UGT1A6: variants seen among roughly 807,000 people sequenced by gnomAD.
The protein encoded by UGT1A6 is UDP glucuronosyltransferase family 1 member A6.
In UGT1A6, 32 loss-of-function variants were observed where a neutral mutation model predicts 44.4. That is an observed-to-expected ratio of 0.72 (90% CI 0.54 to 0.97). The LOEUF is 0.97. UGT1A6 is among the 50% of genes least tolerant of loss of function. UGT1A6 has a pLI of 0.00. For synonymous variants in UGT1A6, 238 were observed against 248.5 expected, an observed-to-expected ratio of 0.96 and a Z score of 0.40; for missense variants, 685 against 661.9, an observed-to-expected ratio of 1.03 and a Z score of -0.38.
intron 1 of UGT1A6, among the ~76,000 whole-genome samples, chr2:233,701,559 C>T (rs1345105589): frequency 1.3e-5 from 2 of 152,136 alleles, no homozygotes; most frequent in Admixed American, 6.5e-5. Context: ...CAGCACCACA[C>T]CACACCTACT....
chr2:233,751,665 G>A (rs1281035345), intron 1 of UGT1A6, among the ~76,000 whole-genome samples: 6 of 152,196 alleles, frequency 3.9e-5, no homozygotes, highest in African/African-American at 1.4e-4. Context: ...TACTGAGTGA[G>A]TTCTAATGAG....
chr2:233,717,709 C>T (rs1575518091), intron 1 of UGT1A6: 13 of 452,360 alleles, frequency 2.9e-5, no homozygotes, highest in East Asian at 1.4e-4. Context: ...GCAGGACGAG[C>T]CTCATGGGCA....
intron 1 of UGT1A6, among the ~76,000 whole-genome samples, chr2:233,762,146 C>G (rs541150164): frequency 2.2e-4 from 33 of 152,272 alleles, no homozygotes; most frequent in Admixed American, 4.6e-4. Context: ...TGTGACTTTG[C>G]ATTAATCACA....
chr2:233,724,353 C>T (rs2077234748), intron 1 of UGT1A6, among the ~76,000 whole-genome samples: 1 of 148,076 alleles, frequency 6.8e-6, no homozygotes, highest in African/African-American at 2.5e-5. Flanking sequence ...CCCCCCACCT[C>T]CCTCCCGGAC....
At chr2:233,761,227 G>GAT in intron 1 of UGT1A6, 1 of 1,613,278 alleles carries the variant, frequency 6.2e-7, no homozygotes, top group Non-Finnish European at 8.5e-7. Flanking sequence ...ACTAGCCCCA[G>GAT]ATATATGCTG....
intron 1 of UGT1A6, chr2:233,747,358 G>A (rs1172361388): frequency 8.7e-6 from 14 of 1,603,108 alleles, no homozygotes; most frequent in Middle Eastern, 1.7e-4. Flanking sequence ...GAGGCCGTGC[G>A]GGAGCTCCAT....
At chr2:233,765,208 G>A (rs1325678271) in intron 1 of UGT1A6, among the ~76,000 whole-genome samples, 1 of 152,250 alleles carries the variant, frequency 6.6e-6, no homozygotes, top group South Asian at 2.1e-4. Flanking sequence ...AGTGCCCTCA[G>A]TATTCTTTGC....
chr2:233,756,202 C>T (rs540523452), intron 1 of UGT1A6: 9 of 152,318 alleles, frequency 5.9e-5, no homozygotes, highest in African/African-American at 1.7e-4. Flanking sequence ...AGAGTAGTCC[C>T]TGGTATTCTG....
intron 1 of UGT1A6, among the ~76,000 whole-genome samples, chr2:233,745,355 T>A (rs1693086432): frequency 6.6e-6 from 1 of 151,846 alleles, no homozygotes; most frequent in African/African-American, 2.4e-5. Context: ...TTGGGGGAAT[T>A]TTTTTGAGAT....
chr2:233,707,975 C>T (rs2075997873), intron 1 of UGT1A6, among the ~76,000 whole-genome samples: 1 of 152,082 alleles, frequency 6.6e-6, no homozygotes, highest in Admixed American at 6.5e-5. Flanking sequence ...AGTCTATTGC[C>T]CACTGGGTTG....
chr2:233,704,781 G>A (rs989120874), intron 1 of UGT1A6, among the ~76,000 whole-genome samples: 3 of 152,050 alleles, frequency 2.0e-5, no homozygotes, highest in South Asian at 4.2e-4. Context: ...ATATGTTATA[G>A]TCCCAACAAT....
intron 1 of UGT1A6, chr2:233,721,915 C>A: frequency 2.4e-6 from 1 of 417,320 alleles, no homozygotes; most frequent in East Asian, 6.7e-5. Context: ...CACACTGCTT[C>A]CATAAAGTGA....
intron 1 of UGT1A6, chr2:233,753,144 A>G (rs1203903017): frequency 6.6e-6 from 1 of 152,210 alleles, no homozygotes; most frequent in Non-Finnish European, 1.5e-5. Context: ...ATCTTCACAC[A>G]TGTAAGTTCC....
intron 1 of UGT1A6, among the ~76,000 whole-genome samples, chr2:233,696,959 T>C (rs1025809299): frequency 1.3e-5 from 2 of 152,172 alleles, no homozygotes; most frequent in Admixed American, 6.5e-5. Flanking sequence ...CTTTTTAACA[T>C]ATTATTGGAT....
At chr2:233,719,240 C>T (rs753605986) in intron 1 of UGT1A6, 10 of 1,614,038 alleles carry the variant, frequency 6.2e-6, no homozygotes, top group Non-Finnish European at 8.5e-6. Context: ...TGATCAGGCA[C>T]CTGAATGCTA....
In UGT1A6 at chr2:233,768,364, G is replaced by C; in HGVS notation, c.1226G>C (p.Gly409Ala). ...AAGCGCATGGAGACTAAGGGAGCTG[G>C]AGTGACCCTGAATGTTCTGGAAATG... is the stretch of plus-strand genomic sequence containing the variant. ...NAKRMETKGAGVTLNVLEMTS... is the reference protein window; with the variant it reads ...NAKRMETKGAAVTLNVLEMTS... The change falls in exon 4 of 5, where the codon GGA (glycine) becomes GCA (alanine). Residue 409 changes from glycine (G) to alanine (A), a missense_variant. Physicochemically the swap from Gly to Ala is moderately conservative, Grantham distance 60. Transcript: ENST00000305139. 2 of 1,614,172 alleles carry C rather than the reference G, an allele frequency of 1.2e-6. No homozygotes were observed. The highest frequency in any genetic ancestry group is 1.7e-6 in the Non-Finnish European group (2 of 1,180,034).
chr2:233,713,220 C>G, intron 1 of UGT1A6: 1 of 1,614,254 alleles, frequency 6.2e-7, no homozygotes, highest in Non-Finnish European at 8.5e-7. Flanking sequence ...CTTTTTCACC[C>G]TGACAACGTA....
intron 1 of UGT1A6, among the ~76,000 whole-genome samples, chr2:233,694,195 G>T (rs1386448927): frequency 6.6e-6 from 1 of 152,134 alleles, no homozygotes; most frequent in Non-Finnish European, 1.5e-5. Context: ...AACAGGTCCA[G>T]GTTAAAATCC....
intron 1 of UGT1A6, among the ~76,000 whole-genome samples, chr2:233,700,227 T>C (rs1296427403): frequency 1.3e-5 from 2 of 152,204 alleles, no homozygotes; most frequent in Non-Finnish European, 2.9e-5. Flanking sequence ...TCTAGGCAAC[T>C]CAGTAGAACA....
Sources: allele counts gnomAD v4.1 joint callset (sites outside exome capture counted in the v4.1 genomes callset), GRCh38; gene constraint gnomAD v4.1.1; transcripts MANE v1.5; gene names NCBI Gene and HGNC (gene_info 2026-07-23, HGNC 2026-07-21).